Variants in CADM1 observed in about 807,000 individuals in gnomAD.
CADM1 encodes the protein cell adhesion molecule 1.
In CADM1, 15 loss-of-function variants were observed where a neutral mutation model predicts 53.1. The observed-to-expected ratio is 0.28, with a 90% CI of 0.19 to 0.44. CADM1 has a LOEUF of 0.44. Ranked by LOEUF, CADM1 falls within the 20% of genes least tolerant of loss-of-function variation. The pLI is 1.00. For missense variants in CADM1, 434 were observed against 611.3 expected (o/e 0.71, Z 3.06); for synonymous variants, 281 against 243.0 (o/e 1.16, Z -1.45).
chr11:115,406,749 C>A (rs1947324002), intron 1 of CADM1, among the ~76,000 whole-genome samples: 1 of 151,200 alleles, frequency 6.6e-6, no homozygotes, highest in Non-Finnish European at 1.5e-5. Context: ...GAGTTCAAGG[C>A]CACCCTGGCC....
chr11:115,423,092 C>A (rs944877616), intron 1 of CADM1, among the ~76,000 whole-genome samples: 12 of 151,566 alleles, frequency 7.9e-5, no homozygotes, highest in African/African-American at 2.7e-4. Flanking sequence ...GGCCTTAGTG[C>A]CAACTGGATA....
At chr11:115,492,707 G>C (rs1949524130) in intron 1 of CADM1, among the ~76,000 whole-genome samples, 1 of 152,078 alleles carries the variant, frequency 6.6e-6, no homozygotes, top group Non-Finnish European at 1.5e-5. Flanking sequence ...CTGGGAAACA[G>C]AGTTTTCACC....
At chr11:115,321,890 T>G (rs966480571) in intron 1 of CADM1, among the ~76,000 whole-genome samples, 2 of 152,146 alleles carry the variant, frequency 1.3e-5, no homozygotes, top group African/African-American at 4.8e-5. Flanking sequence ...TTAATTAAAC[T>G]AAAACTGGTA....
At position 115,231,384 on chromosome 11, in the gene CADM1, G is replaced by T. The variant is rs764291402; in HGVS notation, c.531C>A (p.Ile177=). The change falls in exon 4 of 12, where the codon ATC becomes ATA. Residue 177 remains isoleucine, a synonymous_variant. Transcript: ENST00000331581. ...GCTCTGTGTTCCCTTTGAACCACCT[G>T]ATAGTCGTGGCTGGCTTGCTGGCCA... ...TAMASKPATT[I]RWFKGNTELK... 1.9e-5 allele frequency: 30 copies of T among 1,614,022 alleles called. No homozygotes were observed. The highest frequency in any genetic ancestry group is 2.5e-5 in the Non-Finnish European group (30 of 1,179,994).
chr11:115,363,617 C>T, intron 1 of CADM1: 1 of 152,098 alleles, frequency 6.6e-6, no homozygotes, highest in East Asian at 1.9e-4. Context: ...AATTTGTTTC[C>T]TTTGATTCAA....
intron 10 of CADM1, among the ~76,000 whole-genome samples, chr11:115,182,254 T>C (rs1480174891): frequency 1.3e-5 from 2 of 151,960 alleles, no homozygotes; most frequent in Non-Finnish European, 2.9e-5. Flanking sequence ...AATGTGGGAG[T>C]GGAAAGCACT....
intron 1 of CADM1, among the ~76,000 whole-genome samples, chr11:115,328,715 T>TATATACATATATATAAGC (rs1464724518): frequency 1.8e-5 from 1 of 54,766 alleles, no homozygotes; most frequent in African/African-American, 6.1e-5. Context: ...TATATATATG[T>TATATACATATATATAAGC]GTATATATAT....
intron 1 of CADM1, among the ~76,000 whole-genome samples, chr11:115,344,618 G>A (rs1945529971): frequency 6.6e-6 from 1 of 152,082 alleles, no homozygotes; most frequent in Admixed American, 6.6e-5. Context: ...ACTCCAGGGA[G>A]CCACTGCCAT....
intron 8 of CADM1, among the ~76,000 whole-genome samples, chr11:115,206,011 C>T (rs1046396542): frequency 2.0e-5 from 3 of 152,150 alleles, no homozygotes; most frequent in Non-Finnish European, 2.9e-5. Context: ...ACCTAACCTA[C>T]CAAACATCAC....
chr11:115,216,513 T>C (rs747803918), intron 6 of CADM1, among the ~76,000 whole-genome samples: 6 of 152,204 alleles, frequency 3.9e-5, no homozygotes, highest in Non-Finnish European at 7.3e-5. Flanking sequence ...GGAAGAAAGC[T>C]GCTAATTAGG....
intron 1 of CADM1, among the ~76,000 whole-genome samples, chr11:115,372,507 A>G (rs1241371714): frequency 6.6e-6 from 1 of 152,174 alleles, no homozygotes; most frequent in African/African-American, 2.4e-5. Flanking sequence ...TGCATCATAA[A>G]TTGAGAATTT....
intron 1 of CADM1, among the ~76,000 whole-genome samples, chr11:115,494,584 C>T (rs377604761): frequency 7.9e-5 from 12 of 152,198 alleles, no homozygotes; most frequent in African/African-American, 2.2e-4. Context: ...CTTGCTGTCA[C>T]GGTGTTCTTC....
intron 1 of CADM1, among the ~76,000 whole-genome samples, chr11:115,429,469 G>T (rs1400314535): frequency 6.6e-6 from 1 of 151,812 alleles, no homozygotes; most frequent in African/African-American, 2.4e-5. Context: ...TCTGGGCGTT[G>T]CGGTGGGCAC....
At chr11:115,279,306 CA>C (rs1308490270) in intron 1 of CADM1, among the ~76,000 whole-genome samples, 3 of 152,122 alleles carry the variant, frequency 2.0e-5, no homozygotes, top group Non-Finnish European at 2.9e-5. Context: ...AATGGGTTGT[CA>C]AGTGAAATCA....
chr11:115,370,969 A>C (rs1321267898), intron 1 of CADM1, among the ~76,000 whole-genome samples: 1 of 152,184 alleles, frequency 6.6e-6, no homozygotes, highest in Non-Finnish European at 1.5e-5. Flanking sequence ...GTCCTGCCTG[A>C]ACAATAACAA....
rs182067357 is a variant in CADM1 at position 115,174,759 on chromosome 11, A to C, written c.*1715T>G. ...ATAGAATATATATTTATATATATAT[A>C]TAGATCTATCTTTTTTGATGCCATC... On this transcript the variant is annotated 3_prime_UTR_variant, in exon 12 of 12. Transcript: ENST00000331581. The C allele has an allele frequency of 1.1e-6, 1 of 878,630 alleles. No homozygotes were observed. Among genetic ancestry groups the C allele is most frequent in the African/African-American group, 1.8e-5 (1 of 55,202 alleles). 54.4% of individuals were successfully genotyped at this position (878,630 alleles called of 1,614,324 possible). A position where few individuals can be genotyped will look rare whatever the true frequency, so the allele number is the denominator to read the frequency against.
chr11:115,444,945 G>A (rs2135334007), intron 1 of CADM1, among the ~76,000 whole-genome samples: 1 of 152,284 alleles, frequency 6.6e-6, no homozygotes, highest in African/African-American at 2.4e-5. Context: ...GGCACGTGGA[G>A]GGGTGAGGAG....
chr11:115,482,555 T>C (rs570589477), intron 1 of CADM1, among the ~76,000 whole-genome samples: 1 of 152,340 alleles, frequency 6.6e-6, no homozygotes, highest in South Asian at 2.1e-4. Context: ...ATATTCACTG[T>C]AGCCCAGAGC....
chr11:115,499,125 C>T (rs1336514952), intron 1 of CADM1, among the ~76,000 whole-genome samples: 1 of 152,004 alleles, frequency 6.6e-6, no homozygotes, highest in African/African-American at 2.4e-5. Flanking sequence ...AAAAAATTCT[C>T]AGCTTTTTCT....
Sources: allele counts gnomAD v4.1 joint callset (sites outside exome capture counted in the v4.1 genomes callset), GRCh38; gene constraint gnomAD v4.1.1; transcripts MANE v1.5; gene names NCBI Gene and HGNC (gene_info 2026-07-23, HGNC 2026-07-21).